LRBA: variants seen among roughly 807,000 people sequenced by gnomAD.
LRBA encodes the protein lipopolysaccharide-responsive and beige-like anchor protein.
Under a neutral mutation model 330.0 loss-of-function variants are expected in LRBA, and 176 were observed. The ratio of observed to expected loss-of-function variants is 0.53; its 90% CI spans 0.47 to 0.60. LRBA has a LOEUF of 0.60. Ranked by LOEUF, LRBA falls within the 20% of genes least tolerant of loss-of-function variation. The pLI is 0.00. For missense variants in LRBA, 3,259 were observed against 3,444.8 expected, an observed-to-expected ratio of 0.95 and a Z score of 1.35; for synonymous variants, 1,230 against 1,193.0, an observed-to-expected ratio of 1.03 and a Z score of -0.64.
At chr4:150,362,810 T>C (rs1738901311) in intron 47 of LRBA, among the ~76,000 whole-genome samples, 1 of 152,116 alleles carries the variant, frequency 6.6e-6, no homozygotes, top group Non-Finnish European at 1.5e-5. Context: ...GAATTAAGTT[T>C]AGCTCATGTG....
At chr4:150,479,119 TA>T (rs200713936) in intron 42 of LRBA, among the ~76,000 whole-genome samples, 37 of 147,508 alleles carry the variant, frequency 2.5e-4, no homozygotes, top group African/African-American at 4.2e-4. Context: ...CAGCATCTCT[TA>T]AAAAAAAAAA....
intron 56 of LRBA, among the ~76,000 whole-genome samples, chr4:150,266,283 G>A (rs1745323106): frequency 6.6e-6 from 1 of 152,230 alleles, no homozygotes; most frequent in Non-Finnish European, 1.5e-5. Flanking sequence ...TCAATGAAGA[G>A]TGAAAAAGAA....
intron 44 of LRBA, among the ~76,000 whole-genome samples, chr4:150,450,774 C>T (rs1753251806): frequency 6.6e-6 from 1 of 152,100 alleles, no homozygotes; most frequent in Admixed American, 6.5e-5. Context: ...GTGGCTTACA[C>T]CTATAATCCT....
chr4:150,870,875 A>C (rs1753347808), intron 19 of LRBA, among the ~76,000 whole-genome samples: 1 of 152,236 alleles, frequency 6.6e-6, no homozygotes, highest in African/African-American at 2.4e-5. Flanking sequence ...ACTGTTTAGA[A>C]ATTCACAGAT....
chr4:150,292,821 G>A (rs921012571), intron 53 of LRBA, among the ~76,000 whole-genome samples: 1 of 152,036 alleles, frequency 6.6e-6, no homozygotes, highest in Non-Finnish European at 1.5e-5. Context: ...GCTTGTAAAG[G>A]TCAACATAAT....
At chr4:150,334,731 CA>C (rs1259885140) in intron 48 of LRBA, among the ~76,000 whole-genome samples, 9 of 144,400 alleles carry the variant, frequency 6.2e-5, no homozygotes, top group Admixed American at 4.1e-4. Flanking sequence ...ATAAGCATAA[CA>C]AAACAATTTT....
chr4:150,298,025 G>A lies in LRBA; in HGVS notation c.8017+4600C>T, dbSNP rs1394523294. 2.6e-5 allele frequency among the ~76,000 whole-genome samples: 4 copies of A among 152,084 alleles called. No homozygotes were observed. The East Asian group carries it at 7.7e-4, about 29-fold the overall frequency. ...GTCTTAACCAAGTACCAATTTTCAT[G>A]TTTCCCAACATTAAGTCCCCAAATG... On this transcript the variant is annotated intron_variant, in intron 53 of 56. Transcript: ENST00000651943.
chr4:150,869,137 T>C (rs1382484823), intron 20 of LRBA, among the ~76,000 whole-genome samples: 10 of 151,820 alleles, frequency 6.6e-5, no homozygotes, highest in Admixed American at 6.6e-4. Context: ...GTCAGGGTGG[T>C]CTTGAACTCC....
chr4:150,731,781 G>A (rs966359615), intron 36 of LRBA, among the ~76,000 whole-genome samples: 1 of 152,100 alleles, frequency 6.6e-6, no homozygotes, highest in Non-Finnish European at 1.5e-5. Context: ...ATATTTGATA[G>A]CACAACAGGA....
At chr4:150,415,358 G>T in intron 47 of LRBA, 80 bp downstream of exon 47, 5 of 1,303,840 alleles carry the variant, frequency 3.8e-6, no homozygotes, top group South Asian at 1.4e-5. Flanking sequence ...AAGAGCAAGG[G>T]TTAATGATTA....
intron 35 of LRBA, among the ~76,000 whole-genome samples, chr4:150,760,150 T>G (rs1734877273): frequency 1.3e-5 from 2 of 152,182 alleles, no homozygotes; most frequent in South Asian, 4.1e-4. Flanking sequence ...TATATAAACT[T>G]CAATATCATC....
intron 35 of LRBA, among the ~76,000 whole-genome samples, chr4:150,743,663 A>G (rs943223430): frequency 6.6e-6 from 1 of 152,178 alleles, no homozygotes. Flanking sequence ...AGTGTTATCC[A>G]TGGCTGTTTT....
upstream of LRBA, chr4:151,015,601 G>C (rs1206768852): frequency 6.5e-6 from 1 of 152,736 alleles, no homozygotes; most frequent in Non-Finnish European, 1.5e-5. Flanking sequence ...CTGGCGCTAC[G>C]GGCGCCGCGG....
intron 11 of LRBA, 112 bp downstream of exon 11, chr4:150,908,222 C>T (rs982986729): frequency 1.9e-6 from 2 of 1,049,676 alleles, no homozygotes; most frequent in Non-Finnish European, 2.8e-6. Context: ...TTATAGTTCA[C>T]AAGTTTAAAT....
chr4:150,823,561 C>T (rs1745780621), intron 30 of LRBA, among the ~76,000 whole-genome samples: 1 of 151,974 alleles, frequency 6.6e-6, no homozygotes. Flanking sequence ...GAGAGTTTTT[C>T]CAATGATTTT....
At chr4:150,739,195 G>A (rs970107379) in intron 35 of LRBA, among the ~76,000 whole-genome samples, 10 of 152,098 alleles carry the variant, frequency 6.6e-5, no homozygotes, top group Admixed American at 6.5e-4. Flanking sequence ...AGTATTTTGA[G>A]ATTCTAAATT....
chr4:150,583,607 C>T lies in LRBA; in HGVS notation c.6330+4441G>A. ...GCACAGTGGCCTATGCCCCACATCC[C>T]TTGGCCCGGCCCCAATCGGGTGGCC... On this transcript the variant is annotated intron_variant, in intron 40 of 56. Transcript: ENST00000651943. This position sits in a 1 kb window ranked among gnomAD's most constrained non-coding sequence, Gnocchi z 9.8. 1 of 1,614,050 alleles carries T rather than the reference C, an allele frequency of 6.2e-7. No individual in the cohort carries two copies.
intron 36 of LRBA, among the ~76,000 whole-genome samples, chr4:150,685,420 ATTTTTTTTT>A (rs70941424): frequency 2.1e-3 from 37 of 17,398 alleles, no homozygotes; most frequent in African/African-American, 2.9e-3. Context: ...ATATATATAT[ATTTTTTTTT>A]TTTTTTTTTT....
chr4:150,277,971 G>A lies in LRBA; in HGVS notation c.8350C>T (p.Leu2784Phe), dbSNP rs867668931. Residue 2784 changes from leucine (L) to phenylalanine (F), a missense_variant, in exon 56 of 57, where the codon CTC becomes TTC. Transcript: ENST00000651943. Reference protein sequence around the residue: ...IQLSRDGQYLLTGGDRGVVVV... With the variant: ...IQLSRDGQYLFTGGDRGVVVV... Reference sequence around the variant, plus strand: ...ACCACTCCTCTGTCTCCTCCTGTGAGCAGGTACTGCCCATCTCGGCTCAGC... The same window carrying A: ...ACCACTCCTCTGTCTCCTCCTGTGAACAGGTACTGCCCATCTCGGCTCAGC... The A allele has an allele frequency of 1.2e-6, 2 of 1,614,118 alleles. No individual in the cohort carries two copies. The highest frequency in any genetic ancestry group is 1.7e-6 in the Non-Finnish European group (2 of 1,180,004).
Sources: gnomAD v4.1 joint callset for allele counts (sites outside exome capture counted in the v4.1 genomes callset) on GRCh38, gnomAD v4.1.1 for gene constraint, Gnocchi (gnomAD v3.1) non-coding constraint, MANE v1.5 for transcripts, NCBI Gene and HGNC (gene_info 2026-07-23, HGNC 2026-07-21) for gene names.